ANKDD1A: variants seen among roughly 807,000 people sequenced by gnomAD.
ANKDD1A encodes the protein ankyrin repeat and death domain-containing protein 1A.
A neutral mutation model predicts 63.5 loss-of-function variants in ANKDD1A; 59 were observed. That is an observed-to-expected ratio of 0.93 (90% CI 0.75 to 1.15). The LOEUF (loss-of-function observed/expected upper bound fraction) is 1.15. ANKDD1A is among the 50% of genes most tolerant of loss of function. The probability of loss-of-function intolerance (pLI) is 0.00; values close to 1 mark genes in which losing one functional copy is unlikely to be tolerated. For synonymous variants in ANKDD1A, 266 were observed against 263.9 expected, an observed-to-expected ratio of 1.01 and a Z score of -0.08; for missense variants, 632 against 656.4, an observed-to-expected ratio of 0.96 and a Z score of 0.41.
intron 14 of ANKDD1A, among the ~76,000 whole-genome samples, chr15:64,953,615 C>CTTAG (rs2085350129): frequency 2.8e-5 from 3 of 108,906 alleles, no homozygotes; most frequent in African/African-American, 7.3e-5. Context: ...TTCTTCTCTC[C>CTTAG]TTCTTCTTCT....
rs587634921 is a variant in ANKDD1A, at chr15:64,952,648, T to TCTTTCTTCTTCCTTCGCCTC, written c.1483+2678_1483+2679insTTCTTCTTCCTTCGCCTCCT. Among the ~76,000 whole-genome samples the TCTTTCTTCTTCCTTCGCCTC allele has an allele frequency of 1.4e-4, 20 of 141,884 alleles. No homozygotes were observed. The East Asian group carries it at 4.4e-3, about 31-fold the overall frequency. 93.1% of individuals were successfully genotyped at this position (141,884 alleles called of 152,430 possible). A position where few individuals can be genotyped will look rare whatever the true frequency, so the allele number is the denominator to read the frequency against. On this transcript the variant is annotated intron_variant, in intron 14 of 14. Transcript: ENST00000319580. ...TTCGTCTTTTCTTTCTTCTTCTCCT[T>TCTTTCTTCTTCCTTCGCCTC]CTCCTTCTTCTTCCCCTTCTTCCTT... is the stretch of plus-strand genomic sequence containing the variant.
intron 7 of ANKDD1A, 47 bp downstream of exon 7, chr15:64,930,967 C>G: frequency 6.3e-7 from 1 of 1,579,648 alleles, no homozygotes. Flanking sequence ...CTTGCTTGCT[C>G]TCTGCCTTCG....
chr15:64,953,470 T>C (rs2085341217), intron 14 of ANKDD1A, among the ~76,000 whole-genome samples: 1 of 112,058 alleles, frequency 8.9e-6, no homozygotes, highest in African/African-American at 2.9e-5. Context: ...CTTCTTCTTC[T>C]TCCTCTTCCT....
intron 14 of ANKDD1A, among the ~76,000 whole-genome samples, chr15:64,951,696 C>CTTCCTTTTTCTTTTCTTTTTCTTCT (rs1555397453): frequency 6.2e-5 from 1 of 16,074 alleles, no homozygotes; most frequent in Non-Finnish European, 2.2e-4. Context: ...TCTTCCTCTT[C>CTTCCTTTTTCTTTTCTTTTTCTTCT]TTCTTCCTTA....
At chr15:64,951,747 CTT>C (rs2085285781) in intron 14 of ANKDD1A, among the ~76,000 whole-genome samples, 2 of 67,910 alleles carry the variant, frequency 2.9e-5, no homozygotes, top group Admixed American at 2.8e-4. Context: ...CCTTCTTCCT[CTT>C]CTTCCTTCTT....
rs61390435 is a variant in ANKDD1A, at chr15:64,945,607, C to CAT, written c.1161+883_1161+884dup. On this transcript the variant is annotated intron_variant, in intron 12 of 14. Transcript: ENST00000319580. ...TTAGAGGGATTAAATGCATTTTCAA[C>CAT]ATATATATATATATATATATATATG... is the stretch of plus-strand genomic sequence containing the variant. Among the ~76,000 whole-genome samples, 481 of 73,860 alleles carry CAT rather than the reference C, an allele frequency of 6.5e-3. 38 individuals are homozygous for CAT. The highest frequency in any genetic ancestry group is 0.027 in the African/African-American group (434 of 16,204). 48.5% of individuals were successfully genotyped at this position (73,860 alleles called of 152,430 possible). A position where few individuals can be genotyped will look rare whatever the true frequency, so the allele number is the denominator to read the frequency against.
intron 4 of ANKDD1A, 119 bp downstream of exon 4, chr15:64,922,138 C>T: frequency 2.5e-6 from 2 of 808,704 alleles, no homozygotes; most frequent in Admixed American, 2.3e-5. Flanking sequence ...CTGCCTCTGC[C>T]TGTCCCTCTT....
At chr15:64,927,885 G>C (rs2085059500) in intron 6 of ANKDD1A, among the ~76,000 whole-genome samples, 1 of 152,136 alleles carries the variant, frequency 6.6e-6, no homozygotes. Context: ...GATTACACGC[G>C]TAAGCCATCG....
At chr15:64,953,623 T>TCTC (rs1555397866) in intron 14 of ANKDD1A, among the ~76,000 whole-genome samples, 50,456 of 93,548 alleles carry the variant, frequency 0.54, 10,790 homozygotes, top group Non-Finnish European at 0.61. Flanking sequence ...TCCTTCTTCT[T>TCTC]CTTCTTCCTT....
intron 9 of ANKDD1A, among the ~76,000 whole-genome samples, chr15:64,939,501 G>T (rs546221585): frequency 2.2e-4 from 33 of 152,284 alleles, no homozygotes; most frequent in Non-Finnish European, 4.1e-4. Context: ...TGTAGTCCCT[G>T]TTCCTCCAGA....
intron 3 of ANKDD1A, among the ~76,000 whole-genome samples, chr15:64,917,715 A>G (rs897444240): frequency 9.9e-5 from 15 of 152,158 alleles, no homozygotes; most frequent in African/African-American, 3.6e-4. Flanking sequence ...CTCCACTTTC[A>G]AGGGTCTTTC....
intron 14 of ANKDD1A, among the ~76,000 whole-genome samples, chr15:64,956,083 C>T (rs539136550): frequency 6.6e-6 from 1 of 152,096 alleles, no homozygotes; most frequent in East Asian, 1.9e-4. Context: ...GGAAAGAGCT[C>T]CAGGATAAAT....
intron 12 of ANKDD1A, 71 bp from the exon 13 acceptor site, chr15:64,947,333 C>T (rs545020861): frequency 2.2e-5 from 33 of 1,515,770 alleles, no homozygotes; most frequent in Non-Finnish European, 2.7e-5. Context: ...GTCATAGGGG[C>T]CTCGGCTCGG....
intron 9 of ANKDD1A, among the ~76,000 whole-genome samples, chr15:64,941,808 G>A (rs1401226416): frequency 6.6e-6 from 1 of 152,208 alleles, no homozygotes; most frequent in Non-Finnish European, 1.5e-5. Flanking sequence ...GACTATTGGG[G>A]ATGGTGTCTT....
At position 64,943,573 on chromosome 15, in the gene ANKDD1A, G is replaced by C; in HGVS notation, c.1056G>C (p.Leu352=). 2 of 1,614,138 alleles carry C rather than the reference G, an allele frequency of 1.2e-6. No individual in the cohort carries two copies. The highest frequency in any genetic ancestry group is 1.7e-6 in the Non-Finnish European group (2 of 1,180,014). The change falls in exon 11 of 15, where the codon CTG becomes CTC. Residue 352 remains leucine, a synonymous_variant. Coordinates refer to ENST00000319580, the MANE Select transcript of ANKDD1A (RefSeq NM_182703.6). ...TCATTGCTGGGGTTGACTTAAACCTGAGAGATAAGGTACCTCTGCTTACAA... is the reference window on the plus strand; with the variant it reads ...TCATTGCTGGGGTTGACTTAAACCTCAGAGATAAGGTACCTCTGCTTACAA... ...MLLIAGVDLN[L]RDKQGKTALA...
At chr15:64,944,833 G>A in intron 12 of ANKDD1A, 86 bp downstream of exon 12, 1 of 1,341,044 alleles carries the variant, frequency 7.5e-7, no homozygotes, top group Non-Finnish European at 1.0e-6. Context: ...CCCTAGGCCT[G>A]ACCAATTCTG....
At chr15:64,947,982 AAG>A (rs904051284) in intron 13 of ANKDD1A, among the ~76,000 whole-genome samples, 4 of 152,226 alleles carry the variant, frequency 2.6e-5, no homozygotes, top group African/African-American at 7.2e-5. Flanking sequence ...ATTGTAAAGG[AAG>A]AGAGAGACTT....
In ANKDD1A at chr15:64,915,368, C is replaced by T. The variant is rs958949654; in HGVS notation, c.35-429C>T. 1.3e-5 allele frequency among the ~76,000 whole-genome samples: 2 copies of T among 152,156 alleles called. 1 individual carries two copies. Among genetic ancestry groups the T allele is most frequent in the South Asian group, 4.1e-4 (2 of 4,824 alleles). ...TAAACATGCCTCTGGCCTCACCCGGCGCTGGCACGCAGTAGGTGGCTCAGT... is the reference window on the plus strand; with the variant it reads ...TAAACATGCCTCTGGCCTCACCCGGTGCTGGCACGCAGTAGGTGGCTCAGT... On this transcript the variant is annotated intron_variant, in intron 1 of 14. Coordinates refer to ENST00000319580, the MANE Select transcript of ANKDD1A (RefSeq NM_182703.6).
chr15:64,916,038 C>G, intron 2 of ANKDD1A, 138 bp downstream of exon 2: 1 of 789,054 alleles, frequency 1.3e-6, no homozygotes, highest in Non-Finnish European at 2.0e-6. Flanking sequence ...GGGCTCTGTC[C>G]TCATGGCCTG....
Sources: gnomAD v4.1 joint callset for allele counts (sites outside exome capture counted in the v4.1 genomes callset) on GRCh38, gnomAD v4.1.1 for gene constraint, MANE v1.5 for transcripts, NCBI Gene and HGNC (gene_info 2026-07-23, HGNC 2026-07-21) for gene names.